The following CLIC5 variants were observed in gnomAD, a reference collection of about 807,000 sequenced individuals.
CLIC5 encodes chloride intracellular channel protein 5.
CLIC5 carries 20 observed loss-of-function variants against 24.7 expected under a neutral mutation model. The observed-to-expected ratio is 0.81, with a 90% CI of 0.57 to 1.18. The LOEUF (loss-of-function observed/expected upper bound fraction) is 1.18, where lower values mean the gene tolerates loss of function less well. Among genes scored for constraint, CLIC5 ranks in the 50% most tolerant of loss-of-function variants. The probability of loss-of-function intolerance (pLI) is 0.00; values close to 1 mark genes in which losing one functional copy is unlikely to be tolerated. For missense variants in CLIC5, 341 were observed against 326.1 expected (o/e 1.05, Z -0.35); for synonymous variants, 159 against 135.6 (o/e 1.17, Z -1.20).
chr6:45,955,110 T>C (rs753497164), intron 2 of CLIC5, 25 bp downstream of exon 2: 2 of 1,546,152 alleles, frequency 1.3e-6, no homozygotes, highest in East Asian at 2.2e-5. Flanking sequence ...CTAAACATAC[T>C]CCTCATTTAT....
chr6:45,954,279 A>T (rs1237871969), intron 2 of CLIC5, among the ~76,000 whole-genome samples: 1 of 151,534 alleles, frequency 6.6e-6, no homozygotes, highest in Non-Finnish European at 1.5e-5. Context: ...TCTCAAAAAA[A>T]AAAAAAAAAA....
chr6:45,918,939 G>T (rs1763140255), intron 4 of CLIC5: 2 of 985,120 alleles, frequency 2.0e-6, no homozygotes, highest in African/African-American at 1.7e-5. Flanking sequence ...ACTTACCCAG[G>T]GCACATACGC....
intron 1 of CLIC5, among the ~76,000 whole-genome samples, chr6:46,065,751 G>A (rs906003640): frequency 3.9e-5 from 6 of 152,182 alleles, no homozygotes; most frequent in Non-Finnish European, 7.3e-5. Context: ...GGAGGCAGGA[G>A]GTGTCTGGGA....
chr6:46,122,908 A>G, the CLIC5 span: 1 of 152,240 alleles, frequency 6.6e-6, no homozygotes, highest in Non-Finnish European at 1.5e-5. Flanking sequence ...TAATAGACCA[A>G]TAACAGGCTC....
At chr6:46,021,088 CAA>C (rs61574485) in intron 1 of CLIC5, among the ~76,000 whole-genome samples, 1,487 of 71,886 alleles carry the variant, frequency 0.021, 14 homozygotes, top group African/African-American at 0.064. Flanking sequence ...TTTTACAACT[CAA>C]AAAAAAAAAA....
chr6:45,936,603 G>A (rs1763945896), intron 4 of CLIC5, among the ~76,000 whole-genome samples: 1 of 152,072 alleles, frequency 6.6e-6, no homozygotes, highest in South Asian at 2.1e-4. Context: ...GGAAACTGAG[G>A]CATTACAGAG....
chr6:45,887,397 A>G (rs1762313828), intron 6 of CLIC5, among the ~76,000 whole-genome samples: 1 of 152,214 alleles, frequency 6.6e-6, no homozygotes, highest in Middle Eastern at 3.4e-3. Flanking sequence ...CTGTCTTCAC[A>G]CGGCTGTCTT....
the CLIC5 span, among the ~76,000 whole-genome samples, chr6:46,112,388 T>A: frequency 6.6e-6 from 1 of 152,320 alleles, no homozygotes; most frequent in East Asian, 1.9e-4. Context: ...CTTTGCTAGC[T>A]ACTCCCATCT....
Position 46,010,304 on chromosome 6 carries a change from A to G in CLIC5, c.63+5176T>C, listed in dbSNP as rs1328061446. ...AAAGACTTACTAATAGGCCAGATCC[A>G]TACTCAGCTTGAAATGCTGACACCA... On this transcript the variant is annotated intron_variant, in intron 1 of 5. Coordinates refer to ENST00000339561, the MANE Select transcript of CLIC5 (RefSeq NM_016929.5). Among the ~76,000 whole-genome samples, 3 of 152,172 alleles carry G rather than the reference A, an allele frequency of 2.0e-5. No individual in the cohort carries two copies. The East Asian group carries it at 5.8e-4, about 29-fold the overall frequency.
chr6:46,123,915 G>A, the CLIC5 span, among the ~76,000 whole-genome samples: 55 of 152,192 alleles, frequency 3.6e-4, no homozygotes, highest in African/African-American at 1.2e-3. Context: ...ACAAACCACT[G>A]CTCAATGAAA....
At chr6:45,940,165 A>G (rs1460093712) in intron 4 of CLIC5, among the ~76,000 whole-genome samples, 1 of 152,036 alleles carries the variant, frequency 6.6e-6, no homozygotes, top group Non-Finnish European at 1.5e-5. Flanking sequence ...CTTCCTTCTT[A>G]ATCTTTATGA....
In CLIC5 at chr6:45,964,341, T is replaced by C. The variant is rs144531151; in HGVS notation, c.64-9097A>G. Among the ~76,000 whole-genome samples the C allele has an allele frequency of 1.7e-3, 264 of 152,354 alleles. 2 individuals carry two copies. The highest frequency in any genetic ancestry group is 6.0e-3 in the African/African-American group (248 of 41,584). ...CTGCAGCACTATTTCCAATCCCGTA[T>C]GTCCTTCATAACCTTTCCACAGCCC... On this transcript the variant is annotated intron_variant, in intron 1 of 5. Transcript: ENST00000339561.
chr6:46,097,884 T>G, the CLIC5 span, among the ~76,000 whole-genome samples: 3 of 152,334 alleles, frequency 2.0e-5, no homozygotes, highest in Admixed American at 1.3e-4. Context: ...CGGAAACTAC[T>G]GATGAGTTAG....
chr6:46,083,033 C>T (rs9381425), upstream of CLIC5, among the ~76,000 whole-genome samples: 20,972 of 152,152 alleles, frequency 0.14, 1,860 homozygotes, highest in South Asian at 0.33. Flanking sequence ...TTTAAGATTG[C>T]TGACATATTT....
At chr6:45,941,700 C>T (rs1476242258) in intron 3 of CLIC5, 47 bp from the exon 4 acceptor site, 4 of 1,374,646 alleles carry the variant, frequency 2.9e-6, no homozygotes, top group Non-Finnish European at 4.2e-6. Flanking sequence ...ACTTGGAGCT[C>T]CTTTAAGGGT....
chr6:45,962,759 G>A (rs1203644143), intron 1 of CLIC5, among the ~76,000 whole-genome samples: 4 of 152,132 alleles, frequency 2.6e-5, no homozygotes, highest in Non-Finnish European at 4.4e-5. Flanking sequence ...CTTGGTTTAC[G>A]CCTCTAAGTG....
chr6:46,014,546 C>A (rs372985896), intron 1 of CLIC5: 1 of 152,256 alleles, frequency 6.6e-6, no homozygotes, highest in East Asian at 1.9e-4. Context: ...CCGACTTCCC[C>A]TCCCCCAAGT....
chr6:45,959,303 A>G (rs893029722), intron 1 of CLIC5, among the ~76,000 whole-genome samples: 2 of 152,262 alleles, frequency 1.3e-5, no homozygotes, highest in African/African-American at 4.8e-5. Context: ...TGTAAGTTAA[A>G]GCTGAAAAAC....
At chr6:45,898,316 T>C (rs2127287966), downstream of CLIC5, 1 of 152,312 alleles carries the variant, frequency 6.6e-6, no homozygotes, top group Non-Finnish European at 1.5e-5. Flanking sequence ...GCTTTGATTT[T>C]TAAAAAGAAT....
Sources: allele counts gnomAD v4.1 joint callset (sites outside exome capture counted in the v4.1 genomes callset), GRCh38; gene constraint gnomAD v4.1.1; transcripts MANE v1.5; gene names NCBI Gene and HGNC (gene_info 2026-07-23, HGNC 2026-07-21).